The following LRBA variants were observed in gnomAD, a reference collection of about 807,000 sequenced individuals.
LRBA encodes lipopolysaccharide-responsive and beige-like anchor protein.
A neutral mutation model predicts 330.0 loss-of-function variants in LRBA; 176 were observed. That is an observed-to-expected ratio of 0.53 (90% CI 0.47 to 0.60). The LOEUF (loss-of-function observed/expected upper bound fraction) is 0.60, where lower values mean the gene tolerates loss of function less well. LRBA is among the 20% of genes least tolerant of loss of function. LRBA has a pLI of 0.00. For missense variants in LRBA, 3,259 were observed against 3,444.8 expected, an observed-to-expected ratio of 0.95 and a Z score of 1.35; for synonymous variants, 1,230 against 1,193.0, an observed-to-expected ratio of 1.03 and a Z score of -0.64.
chr4:150,928,413 T>C, intron 4 of LRBA, 103 bp downstream of exon 4: 4 of 695,242 alleles, frequency 5.8e-6, no homozygotes, highest in Non-Finnish European at 7.4e-6. Context: ...CTATTCAATT[T>C]GACAATTATC....
intron 47 of LRBA, among the ~76,000 whole-genome samples, chr4:150,393,038 T>G (rs1301645601): frequency 6.6e-6 from 1 of 152,042 alleles, no homozygotes; most frequent in Non-Finnish European, 1.5e-5. Flanking sequence ...GAGAATATGA[T>G]TCCATCCATA....
intron 22 of LRBA, among the ~76,000 whole-genome samples, chr4:150,859,803 T>A (rs1751670609): frequency 6.6e-6 from 1 of 152,196 alleles, no homozygotes. Flanking sequence ...TCTTTACACA[T>A]CAGTTCTTTA....
intron 11 of LRBA, 131 bp from the exon 12 acceptor site, chr4:150,906,536 A>T: frequency 1.8e-6 from 1 of 558,686 alleles, no homozygotes; most frequent in Non-Finnish European, 3.2e-6. Context: ...AGCTCCACTA[A>T]AACTGCTTCC....
intron 37 of LRBA, among the ~76,000 whole-genome samples, chr4:150,638,155 C>T (rs1336644989): frequency 6.6e-6 from 1 of 151,870 alleles, no homozygotes; most frequent in Non-Finnish European, 1.5e-5. Flanking sequence ...CCTCAGCCTC[C>T]CGAAAAGCTG....
chr4:150,872,573 A>G (rs1264798037), intron 18 of LRBA, 90 bp downstream of exon 18: 1 of 774,200 alleles, frequency 1.3e-6, no homozygotes, highest in East Asian at 2.7e-5. Flanking sequence ...AAGAAAAACT[A>G]GAGGACTATA....
At chr4:150,787,366 T>C (rs1030823607) in intron 34 of LRBA, among the ~76,000 whole-genome samples, 5 of 152,232 alleles carry the variant, frequency 3.3e-5, no homozygotes, top group African/African-American at 1.2e-4. Flanking sequence ...TAGAATTATA[T>C]GTGGATCGTA....
intron 47 of LRBA, among the ~76,000 whole-genome samples, chr4:150,370,483 G>A (rs1740103952): frequency 6.6e-6 from 1 of 151,700 alleles, no homozygotes; most frequent in African/African-American, 2.4e-5. Context: ...ATTGGAAAAG[G>A]CAAAACTATG....
chr4:150,627,366 T>C (rs1385148418), intron 37 of LRBA, among the ~76,000 whole-genome samples: 1 of 152,048 alleles, frequency 6.6e-6, no homozygotes, highest in Non-Finnish European at 1.5e-5. Context: ...ATAAATGACA[T>C]ATAACAAGGC....
In LRBA at chr4:150,900,455, A is replaced by T. The variant is rs7655512; in HGVS notation, c.1756-238T>A. On this transcript the variant is annotated intron_variant, in intron 13 of 56. Coordinates refer to ENST00000651943, the MANE Select transcript of LRBA (RefSeq NM_001364905.1). ...TTATAGCAGCATTATCAAATATGGAAACTTTTTGCTGCATTATTCCATGAA... is the reference window on the plus strand; with the variant it reads ...TTATAGCAGCATTATCAAATATGGATACTTTTTGCTGCATTATTCCATGAA... Among the ~76,000 whole-genome samples, 10,491 of 152,262 alleles carry T rather than the reference A, an allele frequency of 0.069. 481 individuals carry two copies. Among genetic ancestry groups the T allele is most frequent in the Non-Finnish European group, 0.1 (7,133 of 68,004 alleles).
chr4:150,966,036 G>T (rs1024199313), intron 2 of LRBA, among the ~76,000 whole-genome samples: 1 of 152,104 alleles, frequency 6.6e-6, no homozygotes, highest in Non-Finnish European at 1.5e-5. Context: ...ACAGGTACTG[G>T]ATGAGATACC....
chr4:150,608,141 G>A (rs908426046), intron 37 of LRBA, among the ~76,000 whole-genome samples: 3 of 152,172 alleles, frequency 2.0e-5, no homozygotes, highest in African/African-American at 7.2e-5. Flanking sequence ...AGCCCAAGAG[G>A]TTGAGGTTGC....
At chr4:150,313,480 T>C (rs958544186) in intron 51 of LRBA, among the ~76,000 whole-genome samples, 1 of 152,166 alleles carries the variant, frequency 6.6e-6, no homozygotes, top group African/African-American at 2.4e-5. Context: ...GGATACATGG[T>C]TTTAAATAAT....
At chr4:150,777,025 T>C (rs1373260414) in intron 34 of LRBA, among the ~76,000 whole-genome samples, 1 of 152,124 alleles carries the variant, frequency 6.6e-6, no homozygotes, top group African/African-American at 2.4e-5. Context: ...AGCTAACTAT[T>C]AAGAATCTGT....
chr4:150,853,657 G>A (rs1293543083), intron 22 of LRBA, among the ~76,000 whole-genome samples: 2 of 151,956 alleles, frequency 1.3e-5, no homozygotes, highest in East Asian at 3.8e-4. Context: ...TACCCAAATG[G>A]GAAAAAACTG....
At chr4:150,496,230 C>T (rs1183617530) in intron 40 of LRBA, among the ~76,000 whole-genome samples, 6 of 152,170 alleles carry the variant, frequency 3.9e-5, no homozygotes, top group East Asian at 3.9e-4. Context: ...AAGAAAATTG[C>T]TTCACTTTGT....
intron 40 of LRBA, among the ~76,000 whole-genome samples, chr4:150,513,426 G>C (rs1242214840): frequency 6.6e-6 from 1 of 152,168 alleles, no homozygotes; most frequent in Non-Finnish European, 1.5e-5. Context: ...CTCTACAGTT[G>C]AGGTTGCTTA....
chr4:150,779,024 A>G (rs766389255), intron 34 of LRBA, among the ~76,000 whole-genome samples: 4 of 152,214 alleles, frequency 2.6e-5, no homozygotes, highest in Non-Finnish European at 5.9e-5. Flanking sequence ...AATTATTTTT[A>G]GAAGCACTAC....
intron 22 of LRBA, among the ~76,000 whole-genome samples, chr4:150,866,147 A>G (rs1413496943): frequency 6.6e-6 from 1 of 152,204 alleles, no homozygotes; most frequent in Non-Finnish European, 1.5e-5. Context: ...TCAATTTTTT[A>G]TTAAATAAAT....
intron 40 of LRBA, among the ~76,000 whole-genome samples, chr4:150,504,561 C>A (rs1019056455): frequency 7.2e-5 from 11 of 152,160 alleles, no homozygotes; most frequent in Non-Finnish European, 1.0e-4. Context: ...TTTGTCACCA[C>A]CAGGCCTGCC....
Sources: gnomAD v4.1 joint callset for allele counts (sites outside exome capture counted in the v4.1 genomes callset) on GRCh38, gnomAD v4.1.1 for gene constraint, MANE v1.5 for transcripts, NCBI Gene and HGNC (gene_info 2026-07-23, HGNC 2026-07-21) for gene names.